Variants in KAT2B observed in about 807,000 individuals in gnomAD.
KAT2B encodes lysine acetyltransferase 2B.
A neutral mutation model predicts 105.9 loss-of-function variants in KAT2B; 36 were observed. The ratio of observed to expected loss-of-function variants is 0.34; its 90% CI spans 0.26 to 0.45. KAT2B has a LOEUF of 0.45. KAT2B is among the 20% of genes least tolerant of loss of function. KAT2B has a pLI of 1.00. For synonymous variants in KAT2B, 397 were observed against 377.9 expected (o/e 1.05, Z -0.59); for missense variants, 820 against 1,021.6 (o/e 0.80, Z 2.69).
At chr3:20,099,767 G>A in intron 3 of KAT2B, 95 bp from the exon 4 acceptor site, 1 of 657,554 alleles carries the variant, frequency 1.5e-6, no homozygotes, top group Non-Finnish European at 2.7e-6. Flanking sequence ...GTAAGAGAGA[G>A]AGAGAGAGAC....
At position 20,152,942 on chromosome 3, in the gene KAT2B, T is replaced by C. The variant is rs1371652130; in HGVS notation, c.*417T>C. ...AATGTGAGAGTTTACTTTTATTTTATTCTGAAGGACTTTAAGGAAGGGATA... is the reference window on the plus strand; with the variant it reads ...AATGTGAGAGTTTACTTTTATTTTACTCTGAAGGACTTTAAGGAAGGGATA... On this transcript the variant is annotated 3_prime_UTR_variant, in exon 18 of 18. Coordinates refer to ENST00000263754, the MANE Select transcript of KAT2B (RefSeq NM_003884.5). 6.5e-6 allele frequency: 1 copy of C among 154,732 alleles called. No individual in the cohort carries two copies. The highest frequency in any genetic ancestry group is 6.4e-5 in the Admixed American group (1 of 15,634). The allele number at this position is 154,732 out of a possible 1,614,324, so 9.6% of individuals were successfully genotyped here.
At chr3:20,151,597 G>C (rs1699870979) in intron 17 of KAT2B, among the ~76,000 whole-genome samples, 1 of 152,138 alleles carries the variant, frequency 6.6e-6, no homozygotes, top group African/African-American at 2.4e-5. Flanking sequence ...AATTAGTCCT[G>C]ACAGTGAGGA....
Position 20,101,323 on chromosome 3 carries a change from C to T in KAT2B, c.706C>T (p.Leu236=). ...CTTTGTGCAGTACAAATTTAGTCAC[C>T]TGCCAGCAAAAGAAAGGCAAACAAT... is the stretch of plus-strand genomic sequence containing the variant. ...NNFVQYKFSH[L]PAKERQTIVE... Residue 236 remains leucine (L), a synonymous_variant, in exon 5 of 18, where the codon CTG becomes TTG. Coordinates refer to ENST00000263754, the MANE Select transcript of KAT2B (RefSeq NM_003884.5). 1 of 1,613,982 alleles carries T rather than the reference C, an allele frequency of 6.2e-7. No homozygotes were observed. The highest frequency in any genetic ancestry group is 8.5e-7 in the Non-Finnish European group (1 of 1,179,980).
chr3:20,132,536 AAT>A (rs1357498896), intron 11 of KAT2B, among the ~76,000 whole-genome samples: 1 of 152,204 alleles, frequency 6.6e-6, no homozygotes, highest in African/African-American at 2.4e-5. Flanking sequence ...AACAAGGGGA[AAT>A]AGGTCTGGGG....
intron 2 of KAT2B, among the ~76,000 whole-genome samples, chr3:20,090,269 C>G (rs1698693686): frequency 6.6e-6 from 1 of 152,052 alleles, no homozygotes; most frequent in Non-Finnish European, 1.5e-5. Context: ...GTATATTTTT[C>G]TTGTTCTTAA....
In KAT2B at chr3:20,101,267, T is replaced by A. The variant is rs770391112; in HGVS notation, c.670-20T>A. ...ATGATTGCATAGCTGCATGAAGAAA[T>A]TGCCTTCCCTCTTTTTAAGGGTGTG... On this transcript the variant is annotated intron_variant, in intron 4 of 17. Transcript: ENST00000263754. 1 of 1,608,892 alleles carries A rather than the reference T, an allele frequency of 6.2e-7. No individual in the cohort carries two copies. Among genetic ancestry groups the A allele is most frequent in the Non-Finnish European group, 8.5e-7 (1 of 1,175,864 alleles).
intron 7 of KAT2B, among the ~76,000 whole-genome samples, chr3:20,116,731 A>T (rs1699213809): frequency 6.6e-6 from 1 of 152,082 alleles, no homozygotes; most frequent in African/African-American, 2.4e-5. Context: ...CTCAGCTAAG[A>T]TGCTTCCTTG....
At position 20,126,096 on chromosome 3, in the gene KAT2B, A is replaced by G; in HGVS notation, c.1605A>G (p.Thr535=). Residue 535 remains threonine (T), a synonymous_variant, in exon 10 of 18, where the codon ACA becomes ACG. Transcript: ENST00000263754. ...QLPRMPKEYI[T]RLVFDPKHKT... ...CCCGAATGCCAAAAGAATACATCACACGGCTCGTCTTTGACCCGTAAGTGG... is the reference window on the plus strand; with the variant it reads ...CCCGAATGCCAAAAGAATACATCACGCGGCTCGTCTTTGACCCGTAAGTGG... The G allele has an allele frequency of 6.2e-7, 1 of 1,605,478 alleles. No homozygotes were observed. The highest frequency in any genetic ancestry group is 1.1e-5 in the South Asian group (1 of 90,400).
intron 6 of KAT2B, among the ~76,000 whole-genome samples, chr3:20,112,732 T>C (rs1353055315): frequency 6.6e-6 from 1 of 152,218 alleles, no homozygotes; most frequent in Non-Finnish European, 1.5e-5. Flanking sequence ...ATGTAGAGAA[T>C]AGAATTTGAG....
intron 5 of KAT2B, among the ~76,000 whole-genome samples, chr3:20,108,834 T>C (rs1699068568): frequency 6.6e-6 from 1 of 152,204 alleles, no homozygotes; most frequent in Non-Finnish European, 1.5e-5. Flanking sequence ...TGAACTCTAT[T>C]GTGAACTGTG....
chr3:20,128,822 A>G (rs935324050), intron 11 of KAT2B, among the ~76,000 whole-genome samples: 8 of 152,058 alleles, frequency 5.3e-5, no homozygotes, highest in Non-Finnish European at 8.8e-5. Context: ...AGCCTGACCA[A>G]TGTGGTAAAA....
At chr3:20,138,570 A>G (rs576416504) in intron 12 of KAT2B, among the ~76,000 whole-genome samples, 37 of 152,286 alleles carry the variant, frequency 2.4e-4, no homozygotes, top group African/African-American at 8.9e-4. Context: ...TCAGGAAAGG[A>G]GTTGGTAACT....
chr3:20,062,261 T>TATATATA lies in KAT2B; in HGVS notation c.304-10067_304-10066insTAATATA, dbSNP rs1698142145. ...AAAATATATAATATATAAAATATGA[T>TATATATA]ATATAATATATAATATATAAAATAT... On this transcript the variant is annotated intron_variant, in intron 1 of 17. Coordinates refer to ENST00000263754, the MANE Select transcript of KAT2B (RefSeq NM_003884.5). Among the ~76,000 whole-genome samples the TATATATA allele has an allele frequency of 8.4e-5, 5 of 59,300 alleles. 1 individual carries two copies. Among genetic ancestry groups the TATATATA allele is most frequent in the Non-Finnish European group, 1.8e-4 (5 of 28,124 alleles). 38.9% of individuals were successfully genotyped at this position (59,300 alleles called of 152,430 possible). A position where few individuals can be genotyped will look rare whatever the true frequency, so the allele number is the denominator to read the frequency against.
intron 1 of KAT2B, among the ~76,000 whole-genome samples, chr3:20,052,359 C>T (rs1191518641): frequency 6.6e-6 from 1 of 152,132 alleles, no homozygotes; most frequent in Non-Finnish European, 1.5e-5. Flanking sequence ...GTTCATGGAG[C>T]CCATAAGGCC....
At chr3:20,130,440 T>TA (rs1345219968) in intron 11 of KAT2B, among the ~76,000 whole-genome samples, 1 of 152,220 alleles carries the variant, frequency 6.6e-6, no homozygotes, top group Non-Finnish European at 1.5e-5. Context: ...TTTAAGAACT[T>TA]ACTTAAAGGA....
intron 2 of KAT2B, among the ~76,000 whole-genome samples, chr3:20,073,324 G>C (rs1429891193): frequency 1.3e-5 from 2 of 152,180 alleles, no homozygotes; most frequent in East Asian, 3.8e-4. Context: ...TTCTTGCTAA[G>C]GTAGTTGCTC....
At chr3:20,050,529 G>C (rs1397894352) in intron 1 of KAT2B, among the ~76,000 whole-genome samples, 2 of 152,120 alleles carry the variant, frequency 1.3e-5, no homozygotes, top group Admixed American at 6.5e-5. Context: ...GAGTCATATG[G>C]TATGAATTAT....
Position 20,040,526 on chromosome 3 carries a change from G to A in KAT2B, c.49G>A (p.Gly17Arg), listed in dbSNP as rs1165755641. The A allele has an allele frequency of 2.6e-5, 27 of 1,024,414 alleles. No individual in the cohort carries two copies. Among genetic ancestry groups the A allele is most frequent in the African/African-American group, 3.5e-5 (2 of 57,708 alleles). The allele number at this position is 1,024,414 out of a possible 1,614,324, so 63.5% of individuals were successfully genotyped here. ...AGPGGCGAGA[G>R]AGAGPGALPP... ...GCCGGGCGGCTGCGGGGCAGGAGCC[G>A]GGGCAGGGGCCGGGCCCGGGGCGCT... is the stretch of plus-strand genomic sequence containing the variant. The change falls in exon 1 of 18, where the codon GGG (glycine) becomes AGG (arginine). Residue 17 changes from glycine (G) to arginine (R), a missense_variant. This residue lies in a region of KAT2B where 190 missense variants were observed against 176.7 expected (regional missense o/e 1.08). Transcript: ENST00000263754.
rs1398724012 is a variant in KAT2B at position 20,153,246 on chromosome 3, AATGTGTAATATCATAT to A, written c.*722_*737del. The stretch of plus-strand genomic sequence containing the variant: ...TTTTAATAATTATTTTCTCTACACA[AATGTGTAATATCATAT>A]TTGACTTTGCTTATGCAGGCCATAA... On this transcript the variant is annotated 3_prime_UTR_variant, in exon 18 of 18. Coordinates refer to ENST00000263754, the MANE Select transcript of KAT2B (RefSeq NM_003884.5). 6.6e-6 allele frequency: 1 copy of A among 152,316 alleles called. No individual in the cohort carries two copies. The highest frequency in any genetic ancestry group is 6.5e-5 in the Admixed American group (1 of 15,276). 9.4% of individuals were successfully genotyped at this position (152,316 alleles called of 1,614,324 possible).
Sources: gnomAD v4.1 joint callset for allele counts (sites outside exome capture counted in the v4.1 genomes callset) on GRCh38, gnomAD v4.1.1 for gene constraint, gnomAD v4.1.1 regional missense constraint, MANE v1.5 for transcripts, NCBI Gene and HGNC (gene_info 2026-07-23, HGNC 2026-07-21) for gene names.